The following CPD variants were observed in gnomAD, a reference collection of about 807,000 sequenced individuals.
CPD encodes the protein metallocarboxypeptidase D.
A neutral mutation model predicts 138.3 loss-of-function variants in CPD; 69 were observed. The ratio of observed to expected loss-of-function variants is 0.50; its 90% CI spans 0.41 to 0.61. The LOEUF is 0.61. CPD is among the 20% of genes least tolerant of loss of function. The pLI is 0.00. For missense variants in CPD, 1,432 were observed against 1,733.3 expected (o/e 0.83, Z 3.09); for synonymous variants, 651 against 642.1 (o/e 1.01, Z -0.21).
chr17:30,432,479 A>T (rs929904327), intron 8 of CPD, among the ~76,000 whole-genome samples: 2 of 152,212 alleles, frequency 1.3e-5, no homozygotes, highest in African/African-American at 4.8e-5. Flanking sequence ...AAGGTATTTA[A>T]GATCCTGTAG....
In CPD at chr17:30,438,933, G is replaced by T. The variant is rs146687621; in HGVS notation, c.2128-42G>T. The T allele has an allele frequency of 8.4e-5, 102 of 1,208,510 alleles. 3 individuals are homozygous for T. In the East Asian group the frequency reaches 2.4e-3, roughly 29 times the overall value. 74.9% of individuals were successfully genotyped at this position (1,208,510 alleles called of 1,614,324 possible). A position where few individuals can be genotyped will look rare whatever the true frequency, so the allele number is the denominator to read the frequency against. On this transcript the variant is annotated intron_variant, in intron 8 of 20. Coordinates refer to ENST00000225719, the MANE Select transcript of CPD (RefSeq NM_001304.5). ...CTTTCCAGTATTTTTTTTTGATGGA[G>T]ATACAAACAAATAGAAGTAAAGATT... is the stretch of plus-strand genomic sequence containing the variant.
intron 8 of CPD, among the ~76,000 whole-genome samples, chr17:30,436,115 A>G (rs1439260348): frequency 6.6e-6 from 1 of 152,188 alleles, no homozygotes; most frequent in African/African-American, 2.4e-5. Context: ...TGGAGGACAC[A>G]ACTCAATCCA....
At chr17:30,450,719 C>G (rs1913146245) in intron 13 of CPD, among the ~76,000 whole-genome samples, 1 of 152,094 alleles carries the variant, frequency 6.6e-6, no homozygotes, top group East Asian at 1.9e-4. Context: ...ATTAGCTGGG[C>G]CTTGTGGTGC....
chr17:30,411,727 T>C (rs1911973497), intron 2 of CPD, among the ~76,000 whole-genome samples: 1 of 152,246 alleles, frequency 6.6e-6, no homozygotes, highest in Non-Finnish European at 1.5e-5. Flanking sequence ...TAAGGTCTTC[T>C]CTACACTGTT....
intron 1 of CPD, among the ~76,000 whole-genome samples, chr17:30,382,896 T>C (rs1466458188): frequency 6.6e-6 from 1 of 152,218 alleles, no homozygotes; most frequent in Non-Finnish European, 1.5e-5. Context: ...TCCTTTGGGA[T>C]GTATCTGTCC....
chr17:30,436,776 A>G (rs1169345438), intron 8 of CPD, among the ~76,000 whole-genome samples: 1 of 152,262 alleles, frequency 6.6e-6, no homozygotes, highest in Admixed American at 6.5e-5. Flanking sequence ...TATATACCCA[A>G]GAGAAATGGA....
intron 4 of CPD, among the ~76,000 whole-genome samples, chr17:30,422,450 G>A (rs1460729986): frequency 1.3e-5 from 2 of 152,168 alleles, no homozygotes; most frequent in South Asian, 2.1e-4. Flanking sequence ...ACATTCTAGT[G>A]TGTGGTACTT....
At chr17:30,394,855 T>G (rs1391117534) in intron 2 of CPD, among the ~76,000 whole-genome samples, 1 of 151,684 alleles carries the variant, frequency 6.6e-6, no homozygotes. Flanking sequence ...GAAAAACTAA[T>G]TGGATGGTGG....
chr17:30,449,613 T>C lies in CPD; in HGVS notation c.2934T>C (p.Asn978=), dbSNP rs111536427. The change falls in exon 13 of 21, where the codon AAT becomes AAC. Residue 978 remains asparagine, a synonymous_variant. Transcript: ENST00000225719. ...CCCTTGAAATCTCCAATAAGCCCAATGTATCTGAGCCTGAAGAACCAAAGA... is the reference window on the plus strand; with the variant it reads ...CCCTTGAAATCTCCAATAAGCCCAACGTATCTGAGCCTGAAGAACCAAAGA... ...IWSLEISNKP[N]VSEPEEPKIR... is the part of the protein sequence containing the mutation. 3.7e-6 allele frequency: 6 copies of C among 1,609,974 alleles called. No individual in the cohort carries two copies. The highest frequency in any genetic ancestry group is 5.1e-6 in the Non-Finnish European group (6 of 1,179,098).
intron 2 of CPD, among the ~76,000 whole-genome samples, chr17:30,404,725 T>A (rs1452036380): frequency 6.6e-6 from 1 of 152,148 alleles, no homozygotes. Context: ...TTCTTTCTTT[T>A]TAATGAAAGA....
In CPD at chr17:30,445,796, A is replaced by G. The variant is rs778282160; in HGVS notation, c.2649A>G (p.Lys883=). 3.7e-6 allele frequency: 6 copies of G among 1,614,114 alleles called. No individual in the cohort carries two copies. The highest frequency in any genetic ancestry group is 5.1e-6 in the Non-Finnish European group (6 of 1,180,018). ...CAGATTCAAACAATGAATCAAAGAA[A>G]GGAAAAGGGGCTAGCAGCAGCACCA... is the stretch of plus-strand genomic sequence containing the variant. ...SSTDSNNESK[K]GKGASSSTND... The change falls in exon 12 of 21, where the codon AAA becomes AAG. Residue 883 remains lysine (K), a synonymous_variant. Transcript: ENST00000225719.
chr17:30,425,428 A>T (rs1912377924), intron 6 of CPD, among the ~76,000 whole-genome samples: 1 of 151,874 alleles, frequency 6.6e-6, no homozygotes, highest in Admixed American at 6.6e-5. Context: ...GTCGAGGTAG[A>T]TGGATCATTT....
At chr17:30,446,675 C>A (rs1211739366) in intron 12 of CPD, among the ~76,000 whole-genome samples, 2 of 152,118 alleles carry the variant, frequency 1.3e-5, no homozygotes, top group South Asian at 2.1e-4. Context: ...ATTTATAGTC[C>A]TTTGGGTATA....
In CPD at chr17:30,466,144, G is replaced by A. The variant is rs911774786; in HGVS notation, c.*1330G>A. 3 of 152,646 alleles carry A rather than the reference G, an allele frequency of 2.0e-5. No individual in the cohort carries two copies. The highest frequency in any genetic ancestry group is 7.2e-5 in the African/African-American group (3 of 41,462). The allele number at this position is 152,646 out of a possible 1,614,324, so 9.5% of individuals were successfully genotyped here. On this transcript the variant is annotated 3_prime_UTR_variant, in exon 21 of 21. Transcript: ENST00000225719. ...ATTATGTCTGTCTTATCATGCAATG[G>A]AAATGATGCTTTTTGTAAGTATGCA...
chr17:30,464,785 G>A lies in CPD; in HGVS notation c.4114G>A (p.Glu1372Lys). 6.2e-7 allele frequency: 1 copy of A among 1,613,906 alleles called. No homozygotes were observed. Among genetic ancestry groups the A allele is most frequent in the Non-Finnish European group, 8.5e-7 (1 of 1,179,860 alleles). Residue 1372 changes from glutamate (E) to lysine (K), a missense_variant, in exon 21 of 21, where the codon GAG becomes AAG. By Grantham distance (56) the Glu-to-Lys change is moderately conservative. Around this residue, in one of 6 missense-constraint regions of CPD, gnomAD observed 366 missense variants for 518.8 expected, o/e 0.71. Coordinates refer to ENST00000225719, the MANE Select transcript of CPD (RefSeq NM_001304.5). The part of the protein sequence containing the change: ...HEFQDETDTE[E>K]ETLYSSKH ...GTTCCAGGATGAAACAGACACTGAA[G>A]AGGAAACATTATATTCTAGCAAACA...
chr17:30,408,388 G>C (rs1026607679), intron 2 of CPD, among the ~76,000 whole-genome samples: 1 of 152,022 alleles, frequency 6.6e-6, no homozygotes, highest in African/African-American at 2.4e-5. Flanking sequence ...ATCTATAAAT[G>C]ACCTTGGGCA....
intron 2 of CPD, among the ~76,000 whole-genome samples, chr17:30,414,557 T>C (rs1294534367): frequency 6.8e-6 from 1 of 146,962 alleles, no homozygotes; most frequent in East Asian, 2.0e-4. Flanking sequence ...CACTCCAGCC[T>C]GGGTAACAGA....
intron 13 of CPD, 99 bp from the exon 14 acceptor site, chr17:30,451,612 C>T: frequency 9.8e-7 from 1 of 1,016,732 alleles, no homozygotes; most frequent in Non-Finnish European, 1.4e-6. Context: ...TTTAAATTAA[C>T]TATGTGTAGA....
Position 30,442,333 on chromosome 17 carries a change from A to T in CPD, c.2256A>T (p.Leu752Phe). 1 of 1,613,272 alleles carries T rather than the reference A, an allele frequency of 6.2e-7. No individual in the cohort carries two copies. Among genetic ancestry groups the T allele is most frequent in the Non-Finnish European group, 8.5e-7 (1 of 1,179,422 alleles). ...GAGGAATGCAGGACTGGAACTATTT[A>T]CAAACAAATTGCTTTGAAGTGACTA... ...VPGGMQDWNYLQTNCFEVTIE... is the reference protein window; with the variant it reads ...VPGGMQDWNYFQTNCFEVTIE... Residue 752 changes from leucine to phenylalanine, a missense_variant, in exon 10 of 21, where the codon TTA (leucine) becomes TTT (phenylalanine). This residue lies in a region of CPD where 297 missense variants were observed against 405.3 expected (regional missense o/e 0.73). Transcript: ENST00000225719.
Sources: allele counts gnomAD v4.1 joint callset (sites outside exome capture counted in the v4.1 genomes callset), GRCh38; gene constraint gnomAD v4.1.1; regional missense constraint gnomAD v4.1.1; transcripts MANE v1.5; gene names NCBI Gene and HGNC (gene_info 2026-07-23, HGNC 2026-07-21).